The following ENPP2 variants were observed in gnomAD, a reference collection of about 807,000 sequenced individuals.
The protein encoded by ENPP2 is ectonucleotide pyrophosphatase/phosphodiesterase 2, also known as autotaxin.
Under a neutral mutation model 120.2 loss-of-function variants are expected in ENPP2, and 51 were observed. The observed-to-expected ratio is 0.42, with a 90% CI of 0.34 to 0.54. The LOEUF (loss-of-function observed/expected upper bound fraction) is 0.54. Among genes scored for constraint, ENPP2 ranks in the 20% least tolerant of loss-of-function variants. The probability of loss-of-function intolerance (pLI) is 0.04; values close to 1 mark genes in which losing one functional copy is unlikely to be tolerated. For synonymous variants in ENPP2, 365 were observed against 366.4 expected, an observed-to-expected ratio of 1.00 and a Z score of 0.04; for missense variants, 920 against 1,066.5, an observed-to-expected ratio of 0.86 and a Z score of 1.91.
In ENPP2 at chr8:119,607,905, A is replaced by T. The variant is rs368400561; in HGVS notation, c.833+17T>A. On this transcript the variant is annotated intron_variant, in intron 9 of 24. Coordinates refer to ENST00000075322, the MANE Select transcript of ENPP2 (RefSeq NM_001040092.3). ...AGCTGTCATTTTATAAACATTGACA[A>T]AATAAAGGTAACTTACACAGACCAA... 3.9e-6 allele frequency: 6 copies of T among 1,535,944 alleles called. No individual in the cohort carries two copies. The highest frequency in any genetic ancestry group is 4.4e-6 in the Non-Finnish European group (5 of 1,125,260).
chr8:119,642,630 C>T (rs1054125383), upstream of ENPP2, among the ~76,000 whole-genome samples: 5 of 152,102 alleles, frequency 3.3e-5, no homozygotes, highest in African/African-American at 4.8e-5. Flanking sequence ...ATTAATTGGA[C>T]ATTAAAGTTT....
At chr8:119,654,425 T>G (rs920357847) in intron 1 of ENPP2, among the ~76,000 whole-genome samples, 5 of 145,518 alleles carry the variant, frequency 3.4e-5, no homozygotes, top group Admixed American at 1.4e-4. Flanking sequence ...TATAAAATAT[T>G]TATAGTATAA....
At position 119,586,344 on chromosome 8, in the gene ENPP2, T is replaced by A. The variant is rs769838902; in HGVS notation, c.1240-31A>T. ...ATAGAAATGGAAATCAGACTTCAGA[T>A]GGAATGTCTTTTGGAAAAATTCTTA... On this transcript the variant is annotated intron_variant, in intron 14 of 24. Coordinates refer to ENST00000075322, the MANE Select transcript of ENPP2 (RefSeq NM_001040092.3). The A allele has an allele frequency of 3.7e-5, 59 of 1,608,900 alleles. 1 individual carries two copies. In the East Asian group the frequency reaches 1.3e-3, roughly 35 times the overall value.
At chr8:119,667,244 G>A (rs781069061) in intron 1 of ENPP2, among the ~76,000 whole-genome samples, 18 of 152,172 alleles carry the variant, frequency 1.2e-4, no homozygotes, top group Non-Finnish European at 2.6e-4. Flanking sequence ...GAAAAGAAAT[G>A]TCAATGCCTT....
At chr8:119,573,125 C>T (rs1235850244) in intron 19 of ENPP2, 1 of 152,158 alleles carries the variant, frequency 6.6e-6, no homozygotes, top group Non-Finnish European at 1.5e-5. Flanking sequence ...TTCATTTTCT[C>T]TGCCGGGCAT....
chr8:119,596,801 GC>G (rs981805360), intron 11 of ENPP2, among the ~76,000 whole-genome samples: 14 of 152,148 alleles, frequency 9.2e-5, no homozygotes, highest in African/African-American at 3.4e-4. Flanking sequence ...TCAGAAACCT[GC>G]TTTTAAGGGG....
rs190468752 is a variant in ENPP2 at position 119,602,032 on chromosome 8, C to T, written c.834-570G>A. Among the ~76,000 whole-genome samples, 401 of 152,242 alleles carry T rather than the reference C, an allele frequency of 2.6e-3. 5 individuals are homozygous for T. Among genetic ancestry groups the T allele is most frequent in the Admixed American group, 0.022 (340 of 15,270 alleles). ...CATATTTTTATTAATGATCATAATG[C>T]GTTATCATTCTGCCTCTAAATAATG... is the stretch of plus-strand genomic sequence containing the variant. On this transcript the variant is annotated intron_variant, in intron 9 of 24. Transcript: ENST00000075322.
rs775814931 is a variant in ENPP2, at chr8:119,582,472, G to A, written c.1674C>T (p.Tyr558=). 14 of 1,613,906 alleles carry A rather than the reference G, an allele frequency of 8.7e-6. No individual in the cohort carries two copies. Among genetic ancestry groups the A allele is most frequent in the Non-Finnish European group, 1.2e-5 (14 of 1,179,914 alleles). ...VTRPNYPGIM[Y]LQSDFDLGCT... is the part of the protein sequence containing the mutation. ...AGCCCAGGTCAAAATCAGACTGAAG[G>A]TACATAATCCCTGGATAATTGGGTC... The change falls in exon 18 of 25, where the codon TAC becomes TAT. Residue 558 remains tyrosine (Y), a synonymous_variant. Transcript: ENST00000075322.
chr8:119,573,613 G>A (rs939400277), intron 19 of ENPP2, among the ~76,000 whole-genome samples: 2 of 151,700 alleles, frequency 1.3e-5, no homozygotes, highest in African/African-American at 4.8e-5. Context: ...AGGAGTTTGA[G>A]CCAGCCTGGC....
At chr8:119,658,806 C>T (rs1335036999) in intron 1 of ENPP2, among the ~76,000 whole-genome samples, 1 of 152,180 alleles carries the variant, frequency 6.6e-6, no homozygotes, top group Non-Finnish European at 1.5e-5. Flanking sequence ...CAGCACTGTC[C>T]CTGGCACACA....
At chr8:119,671,168 G>A (rs1472222177) in intron 1 of ENPP2, among the ~76,000 whole-genome samples, 1 of 151,800 alleles carries the variant, frequency 6.6e-6, no homozygotes, top group Non-Finnish European at 1.5e-5. Flanking sequence ...TGGCATGGTG[G>A]CAGGCACCCG....
rs1587405710 is a variant in ENPP2 at position 119,588,824 on chromosome 8, C to T, written c.1207+1681G>A. Among the ~76,000 whole-genome samples, 6 of 152,276 alleles carry T rather than the reference C, an allele frequency of 3.9e-5. 1 individual carries two copies. The highest frequency in any genetic ancestry group is 1.4e-4 in the African/African-American group (6 of 41,566). ...TACTAGGAATATCCAATGCCTGAGTCCATACTGGGGACATCAATCCTTCAA... is the reference window on the plus strand; with the variant it reads ...TACTAGGAATATCCAATGCCTGAGTTCATACTGGGGACATCAATCCTTCAA... On this transcript the variant is annotated intron_variant, in intron 13 of 24. Coordinates refer to ENST00000075322, the MANE Select transcript of ENPP2 (RefSeq NM_001040092.3).
chr8:119,586,532 G>A (rs1262596443), intron 14 of ENPP2, among the ~76,000 whole-genome samples: 1 of 152,166 alleles, frequency 6.6e-6, no homozygotes, highest in Non-Finnish European at 1.5e-5. Flanking sequence ...TCTGAGGACA[G>A]TTAGGAATTT....
chr8:119,616,178 T>A, intron 8 of ENPP2, 87 bp downstream of exon 8: 3 of 1,306,052 alleles, frequency 2.3e-6, no homozygotes, highest in Non-Finnish European at 2.1e-6. Flanking sequence ...TTATACGCAT[T>A]TTTTCCACAT....
intron 11 of ENPP2, among the ~76,000 whole-genome samples, chr8:119,597,451 A>G (rs1587432892): frequency 2.0e-5 from 3 of 152,314 alleles, no homozygotes; most frequent in Admixed American, 1.3e-4. Flanking sequence ...TCCAGTGATT[A>G]TATCGCATGT....
chr8:119,565,820 G>A (rs532275067), intron 22 of ENPP2, among the ~76,000 whole-genome samples: 50 of 152,086 alleles, frequency 3.3e-4, no homozygotes, highest in Non-Finnish European at 6.0e-4. Flanking sequence ...CCCCCATATC[G>A]TAGCCAGACG....
intron 11 of ENPP2, among the ~76,000 whole-genome samples, chr8:119,598,809 G>A (rs955408964): frequency 1.3e-5 from 2 of 152,156 alleles, no homozygotes; most frequent in African/African-American, 4.8e-5. Flanking sequence ...CCATGGAAGG[G>A]AGTGTGCTCT....
intron 2 of ENPP2, among the ~76,000 whole-genome samples, chr8:119,630,220 T>G (rs1395804492): frequency 1.3e-5 from 2 of 152,110 alleles, no homozygotes; most frequent in Non-Finnish European, 2.9e-5. Flanking sequence ...AGGGTTCTCC[T>G]GCCTCAGCCT....
intron 8 of ENPP2, among the ~76,000 whole-genome samples, chr8:119,613,628 C>T (rs977103785): frequency 6.6e-6 from 1 of 152,014 alleles, no homozygotes; most frequent in Non-Finnish European, 1.5e-5. Flanking sequence ...AAAACGAAGC[C>T]TCTGAGAGGA....
Sources: allele counts gnomAD v4.1 joint callset (sites outside exome capture counted in the v4.1 genomes callset), GRCh38; gene constraint gnomAD v4.1.1; transcripts MANE v1.5; gene names NCBI Gene and HGNC (gene_info 2026-07-23, HGNC 2026-07-21).